PRKN: variants seen among roughly 807,000 people sequenced by gnomAD.
The protein encoded by PRKN is E3 ubiquitin-protein ligase parkin.
A neutral mutation model predicts 59.5 loss-of-function variants in PRKN; 56 were observed. The observed-to-expected ratio is 0.94, with a 90% CI of 0.76 to 1.18. PRKN has a LOEUF of 1.18. Ranked by LOEUF, PRKN falls within the 50% of genes most tolerant of loss-of-function variation. The pLI is 0.00. For synonymous variants in PRKN, 250 were observed against 222.1 expected (o/e 1.13, Z -1.12); for missense variants, 657 against 596.4 (o/e 1.10, Z -1.06).
intron 2 of PRKN, among the ~76,000 whole-genome samples, chr6:162,435,644 T>C (rs1020198864): frequency 6.6e-6 from 1 of 152,170 alleles, no homozygotes; most frequent in African/African-American, 2.4e-5. Context: ...TATAATAATG[T>C]ACCTGTTCTT....
chr6:162,614,623 G>C (rs1345059416), intron 1 of PRKN, among the ~76,000 whole-genome samples: 1 of 152,102 alleles, frequency 6.6e-6, no homozygotes, highest in African/African-American at 2.4e-5. Context: ...TCAAATAAAT[G>C]TTCACGAAGG....
At chr6:161,416,116 GCT>G (rs990912971) in intron 9 of PRKN, among the ~76,000 whole-genome samples, 5 of 152,162 alleles carry the variant, frequency 3.3e-5, no homozygotes, top group Admixed American at 2.6e-4. Flanking sequence ...CTATGGAAAT[GCT>G]CTGACACAGA....
At chr6:161,375,804 C>T (rs1232553026) in intron 10 of PRKN, among the ~76,000 whole-genome samples, 1 of 152,174 alleles carries the variant, frequency 6.6e-6, no homozygotes, top group African/African-American at 2.4e-5. Context: ...CTTTTCACAG[C>T]GCAAGGCCGA....
In PRKN at chr6:161,551,822, G is replaced by A. The variant is rs113950879; in HGVS notation, c.934-2819C>T. 0.015 allele frequency among the ~76,000 whole-genome samples: 2,278 copies of A among 152,260 alleles called. 73 individuals carry two copies. The highest frequency in any genetic ancestry group is 0.053 in the African/African-American group (2,188 of 41,542). On this transcript the variant is annotated intron_variant, in intron 8 of 11. Coordinates refer to ENST00000366898, the MANE Select transcript of PRKN (RefSeq NM_004562.3). The surrounding 1 kb of genome is among the most constrained non-coding windows in gnomAD (Gnocchi z 5.2). ...CGATATGATACTATGCTGAAGGCAG[G>A]ACTGAGACGAGAAGCGCAGATGGAC... is the stretch of plus-strand genomic sequence containing the variant.
rs11403670 is a variant in PRKN at position 161,945,112 on chromosome 6, T to TAA, written c.734+28188_734+28189dup. On this transcript the variant is annotated intron_variant, in intron 6 of 11. Transcript: ENST00000366898. ...TAAAGCCTACTGAATATAACTTTTT[T>TAA]AAAAAAAAGCTGGATGAGACGCTGA... is the stretch of plus-strand genomic sequence containing the variant. Among the ~76,000 whole-genome samples, 14 of 151,768 alleles carry TAA rather than the reference T, an allele frequency of 9.2e-5. 1 individual carries two copies. Among genetic ancestry groups the TAA allele is most frequent in the South Asian group, 6.3e-4 (3 of 4,772 alleles).
intron 1 of PRKN, among the ~76,000 whole-genome samples, chr6:162,540,428 T>C (rs555113015): frequency 1.3e-5 from 2 of 152,028 alleles, no homozygotes; most frequent in Admixed American, 6.6e-5. Context: ...CCCAATAATA[T>C]AGGTAGGCAG....
At chr6:162,618,545 G>A (rs1782523991) in intron 1 of PRKN, among the ~76,000 whole-genome samples, 2 of 152,088 alleles carry the variant, frequency 1.3e-5, no homozygotes, top group South Asian at 4.1e-4. Flanking sequence ...GAAAGTAAAG[G>A]TTTTCTTCGT....
chr6:161,861,245 T>TA (rs1289925237), intron 6 of PRKN, among the ~76,000 whole-genome samples: 2 of 152,072 alleles, frequency 1.3e-5, no homozygotes, highest in South Asian at 2.1e-4. Flanking sequence ...TATGCAGCCA[T>TA]AAAAAAGGAT....
At chr6:161,689,935 C>T (rs1025166300) in intron 7 of PRKN, among the ~76,000 whole-genome samples, 2 of 78,160 alleles carry the variant, frequency 2.6e-5, no homozygotes, top group Non-Finnish European at 5.2e-5. Flanking sequence ...GTCTCGAGCT[C>T]CTGACCTCAA....
intron 6 of PRKN, among the ~76,000 whole-genome samples, chr6:161,898,567 G>A (rs751578782): frequency 1.3e-5 from 2 of 152,158 alleles, no homozygotes; most frequent in Non-Finnish European, 2.9e-5. Context: ...GGCTGAAGTG[G>A]GTCATGCAGA....
chr6:161,954,197 A>G (rs1004704183), intron 6 of PRKN, among the ~76,000 whole-genome samples: 1 of 152,158 alleles, frequency 6.6e-6, no homozygotes, highest in Non-Finnish European at 1.5e-5. Flanking sequence ...TCTATAATAC[A>G]TCGAAGCGAA....
intron 10 of PRKN, among the ~76,000 whole-genome samples, chr6:161,367,434 G>A (rs1233802432): frequency 6.6e-6 from 1 of 151,780 alleles, no homozygotes; most frequent in Non-Finnish European, 1.5e-5. Flanking sequence ...GAGAGTTAGG[G>A]GTTACGGTGT....
At chr6:161,403,470 C>T (rs568641196) in intron 9 of PRKN, among the ~76,000 whole-genome samples, 15 of 152,218 alleles carry the variant, frequency 9.9e-5, no homozygotes, top group East Asian at 7.7e-4. Context: ...AACGGAAAAA[C>T]GCTCATGGGG....
In PRKN at chr6:161,355,131, G is replaced by A. The variant is rs971893754; in HGVS notation, c.1286-4920C>T. Among the ~76,000 whole-genome samples the A allele has an allele frequency of 1.3e-5, 2 of 152,170 alleles. No homozygotes were observed. The highest frequency in any genetic ancestry group is 4.8e-5 in the African/African-American group (2 of 41,440). Reference sequence around the variant, plus strand: ...CTCCTGCGTGCGGTGCCTGGAACACGAGCAGCAGGGGCTGCCTCCGCACAC... The same window carrying A: ...CTCCTGCGTGCGGTGCCTGGAACACAAGCAGCAGGGGCTGCCTCCGCACAC... On this transcript the variant is annotated intron_variant, in intron 11 of 11. Transcript: ENST00000366898. This position sits in a 1 kb window ranked among gnomAD's most constrained non-coding sequence, Gnocchi z 6.8.
At position 161,466,177 on chromosome 6, in the gene PRKN, C is replaced by G. The variant is rs1035007358; in HGVS notation, c.1084-79300G>C. Among the ~76,000 whole-genome samples, 1 of 152,084 alleles carries G rather than the reference C, an allele frequency of 6.6e-6. No homozygotes were observed. Among genetic ancestry groups the G allele is most frequent in the African/African-American group, 2.4e-5 (1 of 41,426 alleles). ...CTAGTCACCATGCTGTACATTAGAT[C>G]CCCCTGTGTTTCTATTTGAACAGTT... On this transcript the variant is annotated intron_variant, in intron 9 of 11. Coordinates refer to ENST00000366898, the MANE Select transcript of PRKN (RefSeq NM_004562.3). This position sits in a 1 kb window ranked among gnomAD's most constrained non-coding sequence, Gnocchi z 5.0.
At chr6:161,382,372 G>T (rs1193675202) in intron 10 of PRKN, among the ~76,000 whole-genome samples, 2 of 150,584 alleles carry the variant, frequency 1.3e-5, no homozygotes, top group African/African-American at 4.9e-5. Flanking sequence ...AGACACTGTA[G>T]ATCTATTAGA....
intron 2 of PRKN, among the ~76,000 whole-genome samples, chr6:162,269,806 G>A (rs931039372): frequency 3.9e-5 from 6 of 152,224 alleles, no homozygotes; most frequent in East Asian, 1.9e-4. Flanking sequence ...AAGGCAAGTC[G>A]AAACCACAAT....
intron 9 of PRKN, among the ~76,000 whole-genome samples, chr6:161,516,571 CAATCTCAA>C (rs1430890681): frequency 4.7e-5 from 7 of 148,408 alleles, no homozygotes; most frequent in Non-Finnish European, 7.4e-5. Context: ...CTCACGCCTG[CAATCTCAA>C]CACTTTGGGA....
intron 2 of PRKN, among the ~76,000 whole-genome samples, chr6:162,431,328 TAAG>T (rs1266137817): frequency 3.9e-5 from 6 of 152,142 alleles, no homozygotes; most frequent in South Asian, 2.1e-4. Context: ...CACAGAAACT[TAAG>T]GAGGGGCCAA....
Sources: gnomAD v4.1 joint callset for allele counts (sites outside exome capture counted in the v4.1 genomes callset) on GRCh38, gnomAD v4.1.1 for gene constraint, Gnocchi (gnomAD v3.1) non-coding constraint, MANE v1.5 for transcripts, NCBI Gene and HGNC (gene_info 2026-07-23, HGNC 2026-07-21) for gene names.